The following NFE2L3 variants were observed in gnomAD, a reference collection of about 807,000 sequenced individuals.
NFE2L3 encodes NFE2 like bZIP transcription factor 3, also known as nuclear factor erythroid 2-related factor 3.
A neutral mutation model predicts 23.5 loss-of-function variants in NFE2L3; 18 were observed. The observed-to-expected ratio is 0.77, with a 90% CI of 0.53 to 1.13. The LOEUF (loss-of-function observed/expected upper bound fraction) is 1.13. Among genes scored for constraint, NFE2L3 ranks in the 50% most tolerant of loss-of-function variants. The pLI, the probability that NFE2L3 is intolerant of heterozygous loss-of-function variation, is 0.00. For missense variants in NFE2L3, 1,152 were observed against 877.2 expected (o/e 1.31, Z -3.96); for synonymous variants, 424 against 354.5 (o/e 1.20, Z -2.20).
In NFE2L3 at chr7:26,152,373, A is replaced by G; in HGVS notation, c.-126A>G. Reference sequence around the variant, plus strand: ...CGACGGCCGCCACGCGCCCCGGTCCATTGTTTCGCTTATCTGGGTTCCAGG... The same window carrying G: ...CGACGGCCGCCACGCGCCCCGGTCCGTTGTTTCGCTTATCTGGGTTCCAGG... On this transcript the variant is annotated 5_prime_UTR_variant, in exon 1 of 4. Transcript: ENST00000056233. This position sits in a 1 kb window ranked among gnomAD's most constrained non-coding sequence, Gnocchi z 4.4. The G allele has an allele frequency of 1.7e-6, 1 of 580,864 alleles. No homozygotes were observed. The highest frequency in any genetic ancestry group is 2.4e-6 in the Non-Finnish European group (1 of 421,616). 36.0% of individuals were successfully genotyped at this position (580,864 alleles called of 1,614,324 possible).
At chr7:26,179,237 ACACCTATAATCC>A (rs1319686081) in intron 2 of NFE2L3, among the ~76,000 whole-genome samples, 4 of 152,120 alleles carry the variant, frequency 2.6e-5, no homozygotes, top group African/African-American at 9.7e-5. Context: ...ACAGTTGCTC[ACACCTATAATCC>A]CAGCACTTTG....
chr7:26,184,714 A>T lies in NFE2L3; in HGVS notation c.1016A>T (p.Gln339Leu), dbSNP rs1782435028. The T allele has an allele frequency of 6.2e-7, 1 of 1,613,836 alleles. No homozygotes were observed. Among genetic ancestry groups the T allele is most frequent in the South Asian group, 1.1e-5 (1 of 91,052 alleles). The change falls in exon 4 of 4, where the codon CAA (glutamine) becomes CTA (leucine). Residue 339 changes from glutamine to leucine, a missense_variant. Coordinates refer to ENST00000056233, the MANE Select transcript of NFE2L3 (RefSeq NM_004289.7). ...RDPTARTSQS[Q>L]EPFLQLNSHT... ...CCAACAGCAAGGACTTCACAGTCAC[A>T]AGAACCATTTCTGCAGTTAAATTCT...
chr7:26,163,074 C>A (rs1024473807), intron 1 of NFE2L3, among the ~76,000 whole-genome samples: 1 of 152,154 alleles, frequency 6.6e-6, no homozygotes, highest in Non-Finnish European at 1.5e-5. Flanking sequence ...CCCTCCCCAT[C>A]ATGTAGCTTC....
intron 2 of NFE2L3, among the ~76,000 whole-genome samples, chr7:26,182,965 A>G (rs1300775872): frequency 6.6e-6 from 1 of 151,920 alleles, no homozygotes; most frequent in African/African-American, 2.4e-5. Context: ...CAGCTAATTT[A>G]ATTTGTAGAA....
At chr7:26,161,367 G>GTTTTTTTTTTT (rs1784170385) in intron 1 of NFE2L3, among the ~76,000 whole-genome samples, 1 of 38,658 alleles carries the variant, frequency 2.6e-5, no homozygotes, top group African/African-American at 1.1e-4. Context: ...TTTTTTTTGG[G>GTTTTTTTTTTT]TCTTACCTTT....
At chr7:26,153,587 C>G (rs956182108) in intron 1 of NFE2L3, among the ~76,000 whole-genome samples, 3 of 152,200 alleles carry the variant, frequency 2.0e-5, no homozygotes, top group Non-Finnish European at 2.9e-5. Context: ...TGGTCAGGGT[C>G]TATTCAGAGG....
rs1782444618 is a variant in NFE2L3 at position 26,185,035 on chromosome 7, C to CTA, written c.1340_1341dup (p.Gly448Ter). Reference sequence around the variant, plus strand: ...TCTCACTCTGTGTGTGATGAAGGTGCTATAGGTTATTGCACTGACCATGAA... The same window carrying CTA: ...TCTCACTCTGTGTGTGATGAAGGTGCTATATAGGTTATTGCACTGACCATGAA... On this transcript the variant is annotated frameshift_variant, in exon 4 of 4. Transcript: ENST00000056233. LOFTEE classifies it low-confidence loss of function (END_TRUNC). 1 of 1,613,694 alleles carries CTA rather than the reference C, an allele frequency of 6.2e-7. No individual in the cohort carries two copies. The highest frequency in any genetic ancestry group is 1.1e-5 in the South Asian group (1 of 91,072).
At chr7:26,166,798 C>G in intron 1 of NFE2L3, among the ~76,000 whole-genome samples, 1 of 152,180 alleles carries the variant, frequency 6.6e-6, no homozygotes, top group South Asian at 2.1e-4. Flanking sequence ...TAGAGACAGG[C>G]CTCAGAGTGC....
intron 1 of NFE2L3, chr7:26,174,240 G>A (rs1421520692): frequency 2.0e-5 from 3 of 152,342 alleles, no homozygotes; most frequent in Non-Finnish European, 4.4e-5. Flanking sequence ...TTTCCAGGAG[G>A]AGATGGTAAC....
At chr7:26,182,677 AAAG>A (rs946180332) in intron 2 of NFE2L3, among the ~76,000 whole-genome samples, 1 of 152,090 alleles carries the variant, frequency 6.6e-6, no homozygotes, top group Non-Finnish European at 1.5e-5. Context: ...TCCTCTCTAA[AAAG>A]AACTCTGAAG....
intron 1 of NFE2L3, among the ~76,000 whole-genome samples, chr7:26,169,258 G>T (rs1269395706): frequency 1.3e-5 from 2 of 152,230 alleles, no homozygotes; most frequent in Non-Finnish European, 2.9e-5. Flanking sequence ...CTCTGAGACT[G>T]CCTTTAGTGT....
intron 1 of NFE2L3, among the ~76,000 whole-genome samples, chr7:26,153,298 G>A (rs1017677945): frequency 6.6e-6 from 1 of 152,216 alleles, no homozygotes; most frequent in Non-Finnish European, 1.5e-5. Flanking sequence ...CATCCGTTTG[G>A]TTATAGAGAA....
intron 2 of NFE2L3, among the ~76,000 whole-genome samples, chr7:26,181,265 C>G (rs1354019078): frequency 6.6e-6 from 1 of 152,216 alleles, no homozygotes; most frequent in Non-Finnish European, 1.5e-5. Flanking sequence ...GTGTGAGCCA[C>G]TGCACCCAGC....
intron 1 of NFE2L3, among the ~76,000 whole-genome samples, chr7:26,157,726 GTCA>G (rs1784104549): frequency 6.6e-6 from 1 of 152,188 alleles, no homozygotes; most frequent in Non-Finnish European, 1.5e-5. Flanking sequence ...GGGAAAGGAT[GTCA>G]TAAGTTACTG....
At chr7:26,183,404 C>T (rs970970891) in intron 2 of NFE2L3, among the ~76,000 whole-genome samples, 2 of 152,024 alleles carry the variant, frequency 1.3e-5, no homozygotes, top group African/African-American at 2.4e-5. Flanking sequence ...AAAAATTAGC[C>T]AGACGTGGTG....
chr7:26,173,015 TAAGA>T (rs923124877), intron 1 of NFE2L3, among the ~76,000 whole-genome samples: 5 of 152,216 alleles, frequency 3.3e-5, no homozygotes, highest in Admixed American at 6.5e-5. Flanking sequence ...TATTCTACTA[TAAGA>T]AAGATTTCCT....
At chr7:26,184,492 A>G in intron 3 of NFE2L3, 41 bp from the exon 4 acceptor site, 3 of 1,543,112 alleles carry the variant, frequency 1.9e-6, no homozygotes, top group Non-Finnish European at 8.8e-7. Context: ...CTTCAGAAAT[A>G]GGGCTATTCA....
intron 1 of NFE2L3, among the ~76,000 whole-genome samples, chr7:26,165,119 C>G (rs1263428508): frequency 6.6e-6 from 1 of 152,312 alleles, no homozygotes; most frequent in South Asian, 2.1e-4. Context: ...TTAGGATTGA[C>G]TTGGTAATGC....
chr7:26,184,009 TTTCTCAAAAAACTAAAAGAA>T (rs1782407532), intron 3 of NFE2L3: 1 of 510,768 alleles, frequency 2.0e-6, no homozygotes, highest in Non-Finnish European at 3.5e-6. Flanking sequence ...AGCGTGGAGA[TTTCTCAAAAAACTAAAAGAA>T]TTATCAGGTA....
Sources: allele counts gnomAD v4.1 joint callset (sites outside exome capture counted in the v4.1 genomes callset), GRCh38; gene constraint gnomAD v4.1.1; non-coding constraint Gnocchi (gnomAD v3.1); transcripts MANE v1.5; gene names NCBI Gene and HGNC (gene_info 2026-07-23, HGNC 2026-07-21).